The following PSD3 variants were observed in gnomAD, a reference collection of about 807,000 sequenced individuals.
The protein encoded by PSD3 is PH and SEC7 domain-containing protein 3.
Under a neutral mutation model 105.5 loss-of-function variants are expected in PSD3, and 49 were observed. The observed-to-expected ratio is 0.46, with a 90% CI of 0.37 to 0.59. The LOEUF (loss-of-function observed/expected upper bound fraction) is 0.59. Ranked by LOEUF, PSD3 falls within the 20% of genes least tolerant of loss-of-function variation. PSD3 has a pLI of 0.00. For missense variants in PSD3, 1,561 were observed against 1,263.8 expected, an observed-to-expected ratio of 1.24 and a Z score of -3.57; for synonymous variants, 557 against 457.8, an observed-to-expected ratio of 1.22 and a Z score of -2.77.
intron 1 of PSD3, among the ~76,000 whole-genome samples, chr8:19,064,201 C>G (rs7461899): frequency 0.96 from 145,599 of 152,210 alleles, 69,995 homozygotes; most frequent in East Asian, 1. Context: ...ACTCCAAGTA[C>G]CTGAGTTCTA....
chr8:18,808,458 T>C (rs147513780), intron 4 of PSD3, among the ~76,000 whole-genome samples: 137 of 152,370 alleles, frequency 9.0e-4, no homozygotes, highest in African/African-American at 3.1e-3. Context: ...CCATTCCTCA[T>C]GTTACTCATT....
intron 12 of PSD3, among the ~76,000 whole-genome samples, chr8:18,588,539 A>C (rs1297700377): frequency 6.6e-6 from 1 of 152,016 alleles, no homozygotes; most frequent in African/African-American, 2.4e-5. Flanking sequence ...AGCAACCCGA[A>C]CAATAACCCA....
At chr8:18,649,519 G>C (rs1808313929) in intron 10 of PSD3, among the ~76,000 whole-genome samples, 1 of 152,122 alleles carries the variant, frequency 6.6e-6, no homozygotes, top group South Asian at 2.1e-4. Flanking sequence ...CAGGCTCATA[G>C]GCACAAGGGA....
chr8:18,761,188 G>GT (rs1230251987), intron 9 of PSD3, among the ~76,000 whole-genome samples: 2 of 152,154 alleles, frequency 1.3e-5, no homozygotes, highest in Non-Finnish European at 2.9e-5. Context: ...AGGTAAAAAG[G>GT]TAAGGGTTAA....
chr8:18,743,989 C>T (rs1804788226), intron 9 of PSD3, among the ~76,000 whole-genome samples: 1 of 150,558 alleles, frequency 6.6e-6, no homozygotes, highest in Non-Finnish European at 1.5e-5. Context: ...ACCACCACCA[C>T]CACCACCACC....
rs62495837 is a variant in PSD3, at chr8:18,731,317, C to G, written c.2172+34132G>C. Among the ~76,000 whole-genome samples, 1,010 of 152,262 alleles carry G rather than the reference C, an allele frequency of 6.6e-3. 4 individuals carry two copies. The highest frequency in any genetic ancestry group is 0.011 in the Non-Finnish European group (734 of 68,012). On this transcript the variant is annotated intron_variant, in intron 9 of 15. Transcript: ENST00000327040. The stretch of plus-strand genomic sequence containing the variant: ...GCAAAACATTTATTCTGACTATGGA[C>G]TAATGCACTCATGGAGTCAGTGTTA...
At chr8:19,062,510 C>T (rs1828938514) in intron 1 of PSD3, among the ~76,000 whole-genome samples, 1 of 150,238 alleles carries the variant, frequency 6.7e-6, no homozygotes, top group Admixed American at 6.6e-5. Flanking sequence ...CCACGACAGA[C>T]CATCTACACA....
At chr8:18,594,326 ATAT>A (rs1294876288) in intron 12 of PSD3, among the ~76,000 whole-genome samples, 1 of 89,558 alleles carries the variant, frequency 1.1e-5, no homozygotes, top group African/African-American at 5.2e-5. Context: ...TATATAATAT[ATAT>A]TATAATATAT....
intron 1 of PSD3, among the ~76,000 whole-genome samples, chr8:19,029,751 C>T (rs1212666115): frequency 6.6e-6 from 1 of 152,110 alleles, no homozygotes; most frequent in Non-Finnish European, 1.5e-5. Context: ...AGTTTATACC[C>T]AAGTATTTTC....
At chr8:18,813,869 C>A (rs540668231) in intron 4 of PSD3, among the ~76,000 whole-genome samples, 1 of 152,166 alleles carries the variant, frequency 6.6e-6, no homozygotes, top group African/African-American at 2.4e-5. Flanking sequence ...AGATGTCTGG[C>A]ATACGGTAAA....
chr8:18,823,441 A>T (rs545268389), intron 4 of PSD3, among the ~76,000 whole-genome samples: 1 of 152,304 alleles, frequency 6.6e-6, no homozygotes, highest in Admixed American at 6.5e-5. Context: ...ATAATAGCAA[A>T]GGCGTGAATT....
chr8:18,877,381 G>A (rs776483615), intron 2 of PSD3, among the ~76,000 whole-genome samples: 2 of 152,032 alleles, frequency 1.3e-5, no homozygotes, highest in Non-Finnish European at 2.9e-5. Flanking sequence ...TATTTTGTAT[G>A]TGGATATCCA....
At chr8:18,834,714 T>C (rs923309698) in intron 4 of PSD3, among the ~76,000 whole-genome samples, 3 of 152,082 alleles carry the variant, frequency 2.0e-5, no homozygotes, top group Non-Finnish European at 4.4e-5. Context: ...TGAAGAGTTA[T>C]ATAGAGGAAC....
At chr8:19,020,567 A>G (rs1827331527) in intron 1 of PSD3, among the ~76,000 whole-genome samples, 1 of 152,010 alleles carries the variant, frequency 6.6e-6, no homozygotes. Flanking sequence ...TTTTGAGCAG[A>G]GGGGTAGGAT....
chr8:18,934,804 C>T (rs1563437654), intron 2 of PSD3, among the ~76,000 whole-genome samples: 1 of 152,192 alleles, frequency 6.6e-6, no homozygotes. Flanking sequence ...ATATTAACCA[C>T]ATGCAATAGC....
At chr8:18,808,969 T>C in intron 4 of PSD3, 1 of 1,401,122 alleles carries the variant, frequency 7.1e-7, no homozygotes, top group Non-Finnish European at 9.3e-7. Flanking sequence ...TTCTGTAATG[T>C]TTCTGCAGTT....
At chr8:18,629,326 G>A (rs181636511) in intron 11 of PSD3, among the ~76,000 whole-genome samples, 30 of 152,058 alleles carry the variant, frequency 2.0e-4, no homozygotes, top group Admixed American at 3.3e-4. Context: ...AGCATATGGT[G>A]AAGCAATCTT....
At chr8:18,606,476 A>T (rs940245577) in intron 11 of PSD3, among the ~76,000 whole-genome samples, 10 of 152,232 alleles carry the variant, frequency 6.6e-5, no homozygotes, top group African/African-American at 2.4e-4. Flanking sequence ...TATTTCATCT[A>T]TCAGTTTTAG....
chr8:18,818,535 T>C lies in PSD3; in HGVS notation c.1635-13637A>G, dbSNP rs182193169. On this transcript the variant is annotated intron_variant, in intron 4 of 15. Transcript: ENST00000327040. ...GTTTGGTATTTTAAGACTGAAATCATGGCATTTTGGAGGTAAAAAGAGGTT... is the reference window on the plus strand; with the variant it reads ...GTTTGGTATTTTAAGACTGAAATCACGGCATTTTGGAGGTAAAAAGAGGTT... Among the ~76,000 whole-genome samples the C allele has an allele frequency of 3.7e-3, 566 of 152,238 alleles. 2 individuals are homozygous for C. The highest frequency in any genetic ancestry group is 0.013 in the African/African-American group (526 of 41,554).
Sources: gnomAD v4.1 joint callset for allele counts (sites outside exome capture counted in the v4.1 genomes callset) on GRCh38, gnomAD v4.1.1 for gene constraint, MANE v1.5 for transcripts, NCBI Gene and HGNC (gene_info 2026-07-23, HGNC 2026-07-21) for gene names.